AMMECR1: variants seen among roughly 807,000 people sequenced by gnomAD.
AMMECR1 encodes the protein nuclear protein AMMECR1.
Under a neutral mutation model 22.5 loss-of-function variants are expected in AMMECR1, and 3 were observed. The observed-to-expected ratio is 0.13, with a 90% CI of 0.06 to 0.35. AMMECR1 has a LOEUF of 0.35. AMMECR1 is among the 10% of genes least tolerant of loss of function. The pLI, the probability that AMMECR1 is intolerant of heterozygous loss-of-function variation, is 1.00. For synonymous variants in AMMECR1, 130 were observed against 116.7 expected (o/e 1.11, Z -0.74); for missense variants, 235 against 278.7 (o/e 0.84, Z 1.12).
intron 2 of AMMECR1, among the ~76,000 whole-genome samples, chrX:110,243,729 T>C (rs2067644758): frequency 8.9e-6 from 1 of 112,325 alleles, no homozygotes; most frequent in East Asian, 2.8e-4. Flanking sequence ...CTGTATTTTC[T>C]AAGCTTTGCT....
chrX:110,324,644 G>A (rs1407152496), intron 2 of AMMECR1, among the ~76,000 whole-genome samples: 2 of 101,018 alleles, frequency 2.0e-5, no homozygotes, highest in Admixed American at 1.0e-4. Flanking sequence ...GTAGTTTGTT[G>A]AGTGTTTTTT....
intron 1 of AMMECR1, among the ~76,000 whole-genome samples, chrX:110,433,984 T>A (rs2068817641): frequency 9.0e-6 from 1 of 111,448 alleles, no homozygotes; most frequent in Admixed American, 9.5e-5. Flanking sequence ...ACATAAGCCC[T>A]CATGGTCCAA....
At chrX:110,231,903 T>C (rs1463346077) in intron 2 of AMMECR1, among the ~76,000 whole-genome samples, 1 of 108,290 alleles carries the variant, frequency 9.2e-6, no homozygotes, top group Non-Finnish European at 1.9e-5. Flanking sequence ...CCAACAAAGA[T>C]CAAAAGAGAC....
chrX:110,351,877 A>G (rs1298851342), intron 2 of AMMECR1, among the ~76,000 whole-genome samples: 1 of 111,586 alleles, frequency 9.0e-6, no homozygotes, highest in Admixed American at 9.5e-5. Flanking sequence ...ACACAACTCA[A>G]TAAAAAAAGA....
At chrX:110,385,078 A>G (rs1250473596) in intron 2 of AMMECR1, among the ~76,000 whole-genome samples, 4 of 111,485 alleles carry the variant, frequency 3.6e-5, no homozygotes, top group Non-Finnish European at 7.5e-5. Context: ...ACTGTATTGA[A>G]GAACATAACA....
upstream of AMMECR1, among the ~76,000 whole-genome samples, chrX:110,320,322 T>C (rs1374853690): frequency 8.9e-6 from 1 of 111,890 alleles, no homozygotes; most frequent in African/African-American, 3.3e-5. Flanking sequence ...GGCTACCTTT[T>C]AATTTTTTTG....
intron 2 of AMMECR1, among the ~76,000 whole-genome samples, chrX:110,411,386 G>A (rs1469806429): frequency 8.9e-6 from 1 of 111,808 alleles, no homozygotes; most frequent in Non-Finnish European, 1.9e-5. Context: ...AATACATGGT[G>A]CCATTTACTG....
intron 1 of AMMECR1, among the ~76,000 whole-genome samples, chrX:110,306,454 AT>A (rs777004674): frequency 1.0e-4 from 11 of 110,207 alleles, no homozygotes; most frequent in African/African-American, 3.3e-4. Context: ...TGGTACTTTT[AT>A]TTTTTTTATT....
intron 2 of AMMECR1, among the ~76,000 whole-genome samples, chrX:110,405,399 G>A (rs2068594648): frequency 9.0e-6 from 1 of 111,318 alleles, no homozygotes; most frequent in Non-Finnish European, 1.9e-5. Context: ...AACCTGGGAG[G>A]AGAAGGTATG....
At chrX:110,289,505 T>C (rs1229539043) in intron 1 of AMMECR1, among the ~76,000 whole-genome samples, 2 of 112,323 alleles carry the variant, frequency 1.8e-5, no homozygotes, top group African/African-American at 6.5e-5. Context: ...CTAGAAAAGA[T>C]AGTTTACTTA....
chrX:110,348,668 A>T (rs920622515), intron 2 of AMMECR1, among the ~76,000 whole-genome samples: 1 of 112,517 alleles, frequency 8.9e-6, no homozygotes, highest in African/African-American at 3.2e-5. Context: ...GATATCAAAA[A>T]TATACTGTCG....
intron 2 of AMMECR1, among the ~76,000 whole-genome samples, chrX:110,412,912 A>G (rs1050835921): frequency 1.8e-5 from 2 of 112,206 alleles, no homozygotes; most frequent in African/African-American, 6.5e-5. Flanking sequence ...CCCTTGAGCA[A>G]TAATTAGAGT....
In AMMECR1 at chrX:110,196,172, CAT is replaced by C. The variant is rs1049752447; in HGVS notation, c.*2346_*2347del. 1.5e-4 allele frequency: 16 copies of C among 109,627 alleles called. No homozygotes were observed. Among genetic ancestry groups the C allele is most frequent in the Admixed American group, 1.3e-3 (14 of 10,481 alleles). 9.0% of individuals were successfully genotyped at this position (109,627 alleles called of 1,213,427 possible). On this transcript the variant is annotated 3_prime_UTR_variant, in exon 6 of 6. Transcript: ENST00000262844. ...TGATTAGCACCGTTAAATAAACACA[CAT>C]ATATGTATGTATGTATGTGTAAGTA...
Position 110,436,739 on chromosome X carries a change from T to G in AMMECR1, c.-294+3151A>C, listed in dbSNP as rs774944684. On this transcript the variant is annotated intron_variant, in intron 1 of 7. Coordinates refer to the AMMECR1 transcript ENST00000372057. ...AGCTATGGAAAGCCTCTGGAAGCCT[T>G]AGTACCCTGGGGCCCAGACAAGGGA... 4.5e-5 allele frequency among the ~76,000 whole-genome samples: 5 copies of G among 111,374 alleles called. No homozygotes were observed. In the East Asian group the frequency reaches 1.1e-3, roughly 25 times the overall value.
intron 1 of AMMECR1, chrX:110,307,074 C>T (rs2067999578): frequency 1.8e-5 from 2 of 108,567 alleles, no homozygotes; most frequent in African/African-American, 6.7e-5. Flanking sequence ...CCCGTCTCTA[C>T]AAAAATACAA....
At chrX:110,277,580 A>G (rs946677387) in intron 1 of AMMECR1, among the ~76,000 whole-genome samples, 7 of 111,958 alleles carry the variant, frequency 6.3e-5, no homozygotes, top group African/African-American at 2.0e-4. Flanking sequence ...TAATAAAAAA[A>G]GAAAAATGGT....
At position 110,420,149 on chromosome X, in the gene AMMECR1, C is replaced by A. The variant is rs6642436; in HGVS notation, c.-148+6509G>T. On this transcript the variant is annotated intron_variant, in intron 2 of 7. Coordinates refer to the AMMECR1 transcript ENST00000372057. ...TTACCCTACACCTCCCACGCCACCC[C>A]CAGGCACGATTCTACTACAGCACTG... Among the ~76,000 whole-genome samples, 6 of 111,695 alleles carry A rather than the reference C, an allele frequency of 5.4e-5. No individual in the cohort carries two copies. In the East Asian group the frequency reaches 1.7e-3, roughly 32 times the overall value.
chrX:110,319,816 A>G (rs2068072163), upstream of AMMECR1, among the ~76,000 whole-genome samples: 2 of 112,250 alleles, frequency 1.8e-5, no homozygotes, highest in African/African-American at 6.5e-5. Context: ...CCATGCCATT[A>G]TACTACATTG....
At chrX:110,385,596 A>G (rs1490056351) in intron 2 of AMMECR1, among the ~76,000 whole-genome samples, 1 of 112,001 alleles carries the variant, frequency 8.9e-6, no homozygotes. Context: ...TGGACATTTT[A>G]TATAAATGAA....
Sources: allele counts gnomAD v4.1 joint callset (sites outside exome capture counted in the v4.1 genomes callset), GRCh38; gene constraint gnomAD v4.1.1; transcripts MANE v1.5; gene names NCBI Gene and HGNC (gene_info 2026-07-23, HGNC 2026-07-21).